The following TMOD2 variants were observed in gnomAD, a reference collection of about 807,000 sequenced individuals.
The protein encoded by TMOD2 is tropomodulin-2.
In TMOD2, 22 loss-of-function variants were observed where a neutral mutation model predicts 39.9. The observed-to-expected ratio is 0.55, with a 90% CI of 0.39 to 0.79. The LOEUF (loss-of-function observed/expected upper bound fraction) is 0.79, where lower values mean the gene tolerates loss of function less well. Among genes scored for constraint, TMOD2 ranks in the 30% least tolerant of loss-of-function variants. TMOD2 has a pLI of 0.00. For synonymous variants in TMOD2, 123 were observed against 146.1 expected (o/e 0.84, Z 1.14); for missense variants, 386 against 413.3 (o/e 0.93, Z 0.57).
intron 6 of TMOD2, among the ~76,000 whole-genome samples, chr15:51,782,518 A>G (rs1346091926): frequency 1.3e-5 from 2 of 152,246 alleles, no homozygotes; most frequent in Non-Finnish European, 2.9e-5. Flanking sequence ...CCATAGTGGT[A>G]GTTTAGATTC....
Position 51,782,794 on chromosome 15 carries a change from T to A in TMOD2, c.698T>A (p.Leu233Gln), listed in dbSNP as rs745333160. 1.2e-6 allele frequency: 2 copies of A among 1,614,118 alleles called. No homozygotes were observed. Among genetic ancestry groups the A allele is most frequent in the South Asian group, 2.2e-5 (2 of 91,082 alleles). The change falls in exon 7 of 10, where the codon CTG becomes CAG. Residue 233 changes from leucine (L) to glutamine (Q), a missense_variant. Leu to Gln is a moderately radical substitution (Grantham distance 113). Transcript: ENST00000249700. The stretch of plus-strand genomic sequence containing the variant: ...AACACTCACGTGAAGAAGTTCAGCC[T>A]GGCCGCAACTCGCAGCAATGACCCT... ...ETNTHVKKFS[L>Q]AATRSNDPVA...
chr15:51,800,935 G>A (rs2056082948), intron 8 of TMOD2, among the ~76,000 whole-genome samples: 1 of 152,140 alleles, frequency 6.6e-6, no homozygotes, highest in African/African-American at 2.4e-5. Flanking sequence ...AAACTCCTGG[G>A]TTCAAGCCAT....
chr15:51,772,523 G>A (rs2055860224), intron 3 of TMOD2, among the ~76,000 whole-genome samples: 1 of 152,134 alleles, frequency 6.6e-6, no homozygotes, highest in Non-Finnish European at 1.5e-5. Flanking sequence ...CTGGGAGTTA[G>A]GGAATAGATA....
At chr15:51,767,992 A>G (rs1164386702) in intron 2 of TMOD2, among the ~76,000 whole-genome samples, 9 of 152,206 alleles carry the variant, frequency 5.9e-5, no homozygotes, top group African/African-American at 9.6e-5. Context: ...TTTTGCCTCC[A>G]TGTTTTAGGA....
chr15:51,773,685 T>G (rs768841970), intron 3 of TMOD2, 27 bp from the exon 4 acceptor site: 1 of 1,588,548 alleles, frequency 6.3e-7, no homozygotes, highest in East Asian at 2.2e-5. Context: ...TAGTACTCAA[T>G]ATTTTTGTTT....
At chr15:51,770,467 T>G (rs1240969521) in intron 3 of TMOD2, among the ~76,000 whole-genome samples, 1 of 152,168 alleles carries the variant, frequency 6.6e-6, no homozygotes, top group Non-Finnish European at 1.5e-5. Context: ...AGGCACTTGA[T>G]AAACATGGGT....
At chr15:51,766,095 A>G (rs1272848085) in intron 1 of TMOD2, among the ~76,000 whole-genome samples, 1 of 152,234 alleles carries the variant, frequency 6.6e-6, no homozygotes, top group Non-Finnish European at 1.5e-5. Context: ...GCAAGGCACT[A>G]GGCCACTTTC....
At chr15:51,770,438 G>T (rs1277082957) in intron 3 of TMOD2, among the ~76,000 whole-genome samples, 5 of 151,908 alleles carry the variant, frequency 3.3e-5, no homozygotes, top group Non-Finnish European at 7.4e-5. Flanking sequence ...TTTTATCCTG[G>T]CACAGCAACT....
chr15:51,769,710 C>G (rs190466656), intron 3 of TMOD2, among the ~76,000 whole-genome samples: 1 of 152,282 alleles, frequency 6.6e-6, no homozygotes, highest in East Asian at 1.9e-4. Flanking sequence ...TTGATAACCT[C>G]ACAGCAACTA....
intron 1 of TMOD2, among the ~76,000 whole-genome samples, chr15:51,759,702 A>C (rs12903611): frequency 0.013 from 1,981 of 152,314 alleles, 28 homozygotes; most frequent in Middle Eastern, 0.024. Flanking sequence ...AGAATAGAGA[A>C]CAGCATTCCA....
intron 1 of TMOD2, among the ~76,000 whole-genome samples, chr15:51,764,011 A>G (rs1283744473): frequency 6.6e-6 from 1 of 152,076 alleles, no homozygotes; most frequent in African/African-American, 2.4e-5. Flanking sequence ...CAAAGTGTAT[A>G]GGATCCAATT....
At chr15:51,790,062 A>T (rs2055999815) in intron 7 of TMOD2, among the ~76,000 whole-genome samples, 1 of 152,210 alleles carries the variant, frequency 6.6e-6, no homozygotes, top group Non-Finnish European at 1.5e-5. Flanking sequence ...AAAATCAATG[A>T]ATCCAGGAGC....
chr15:51,794,092 G>A (rs191472277), intron 7 of TMOD2, among the ~76,000 whole-genome samples: 1 of 152,100 alleles, frequency 6.6e-6, no homozygotes, highest in Admixed American at 6.6e-5. Flanking sequence ...GCCCTCCAGG[G>A]GACAATAGGC....
chr15:51,763,081 T>G (rs2055792266), intron 1 of TMOD2, among the ~76,000 whole-genome samples: 1 of 149,948 alleles, frequency 6.7e-6, no homozygotes, highest in African/African-American at 2.5e-5. Flanking sequence ...ACTACAGGCA[T>G]GTGCCACCAT....
At chr15:51,764,122 A>G (rs926157758) in intron 1 of TMOD2, among the ~76,000 whole-genome samples, 3 of 152,018 alleles carry the variant, frequency 2.0e-5, no homozygotes, top group Middle Eastern at 3.4e-3. Flanking sequence ...CCTCATCTCT[A>G]CAAAAAAAAA....
intron 8 of TMOD2, among the ~76,000 whole-genome samples, chr15:51,801,237 TCACACACACACA>T (rs546562505): frequency 1.8e-3 from 180 of 102,138 alleles, no homozygotes; most frequent in African/African-American, 6.2e-3. Context: ...TCTCTCTCTC[TCACACACACACA>T]CACACACACA....
In TMOD2 at chr15:51,814,599, T is replaced by C. The variant is rs1006060152; in HGVS notation, c.*6145T>C. On this transcript the variant is annotated 3_prime_UTR_variant, in exon 10 of 10. Coordinates refer to ENST00000249700, the MANE Select transcript of TMOD2 (RefSeq NM_014548.4). ...GCTGTCGTCCAGCCCCACAGAGTTA[T>C]GCTCCATTTGCCACCATGTGATATT... The C allele has an allele frequency of 6.6e-6, 1 of 152,254 alleles. No homozygotes were observed. The highest frequency in any genetic ancestry group is 2.4e-5 in the African/African-American group (1 of 41,462). 9.4% of individuals were successfully genotyped at this position (152,254 alleles called of 1,614,324 possible).
rs2141650141 is a variant in TMOD2, at chr15:51,812,449, C to G, written c.*3995C>G. 1 of 152,238 alleles carries G rather than the reference C, an allele frequency of 6.6e-6. No individual in the cohort carries two copies. The highest frequency in any genetic ancestry group is 1.9e-4 in the East Asian group (1 of 5,178). 9.4% of individuals were successfully genotyped at this position (152,238 alleles called of 1,614,324 possible). A position where few individuals can be genotyped will look rare whatever the true frequency, so the allele number is the denominator to read the frequency against. ...CAGCATGCTTTAAGTGTAAGATAGCCCTTTGGAATTTACAAACACATGTGC... is the reference window on the plus strand; with the variant it reads ...CAGCATGCTTTAAGTGTAAGATAGCGCTTTGGAATTTACAAACACATGTGC... On this transcript the variant is annotated 3_prime_UTR_variant, in exon 10 of 10. Transcript: ENST00000249700.
chr15:51,781,194 ATCAG>A lies in TMOD2; in HGVS notation c.624+26_624+29del. The A allele has an allele frequency of 6.3e-7, 1 of 1,582,238 alleles. No individual in the cohort carries two copies. On this transcript the variant is annotated intron_variant, in intron 6 of 9. Coordinates refer to ENST00000249700, the MANE Select transcript of TMOD2 (RefSeq NM_014548.4). Reference sequence around the variant, plus strand: ...ATTAAGGTATTTCATTGTGATTATCATCAGTCAGTTAATTTATCATGAGGTCAGA... The same window carrying A: ...ATTAAGGTATTTCATTGTGATTATCATCAGTTAATTTATCATGAGGTCAGA...
Sources: allele counts gnomAD v4.1 joint callset (sites outside exome capture counted in the v4.1 genomes callset), GRCh38; gene constraint gnomAD v4.1.1; transcripts MANE v1.5; gene names NCBI Gene and HGNC (gene_info 2026-07-23, HGNC 2026-07-21).